The following BAIAP2 variants were observed in gnomAD, a reference collection of about 807,000 sequenced individuals.
The protein encoded by BAIAP2 is BAR/IMD domain-containing adapter protein 2.
Under a neutral mutation model 63.0 loss-of-function variants are expected in BAIAP2, and 18 were observed. That is an observed-to-expected ratio of 0.29 (90% confidence interval 0.20 to 0.42). The LOEUF (loss-of-function observed/expected upper bound fraction) is 0.42, where lower values mean the gene tolerates loss of function less well. Ranked by LOEUF, BAIAP2 falls within the 10% of genes least tolerant of loss-of-function variation. The pLI, the probability that BAIAP2 is intolerant of heterozygous loss-of-function variation, is 1.00. For missense variants in BAIAP2, 610 were observed against 734.3 expected (o/e 0.83, Z 1.96); for synonymous variants, 386 against 307.6 (o/e 1.25, Z -2.67).
chr17:81,070,592 G>A (rs7503569), intron 3 of BAIAP2, among the ~76,000 whole-genome samples: 17,125 of 152,252 alleles, frequency 0.11, 1,460 homozygotes, highest in African/African-American at 0.24. Context: ...AGGCCCTGGC[G>A]TGCCTGTCCC....
intron 13 of BAIAP2, chr17:81,109,599 A>AG: frequency 1.0e-6 from 1 of 985,244 alleles, no homozygotes; most frequent in Non-Finnish European, 1.2e-6. Context: ...GCCAAGCTCG[A>AG]GGGGCCTCCT....
chr17:81,068,777 G>C (rs549768722), intron 3 of BAIAP2, among the ~76,000 whole-genome samples: 154 of 152,322 alleles, frequency 1.0e-3, no homozygotes, highest in African/African-American at 3.4e-3. Flanking sequence ...TCCCAGGGAG[G>C]TGTCTTTCTC....
rs565276999 is a variant in BAIAP2, at chr17:81,077,289, G to A, written c.218-7543G>A. Among the ~76,000 whole-genome samples, 41 of 152,228 alleles carry A rather than the reference G, an allele frequency of 2.7e-4. No homozygotes were observed. The South Asian group carries it at 6.4e-3, about 24-fold the overall frequency. ...CGGCCACAGTCCCAATTTCTTAGCC[G>A]GGCATGGCAGCTCACGCCTGTAATC... On this transcript the variant is annotated intron_variant, in intron 3 of 13. Coordinates refer to ENST00000428708, the MANE Select transcript of BAIAP2 (RefSeq NM_001144888.2).
chr17:81,099,142 A>ATCTTGCTGTCCCCGTGGACGCTGG (rs59298150), intron 6 of BAIAP2, among the ~76,000 whole-genome samples: 87,372 of 150,232 alleles, frequency 0.58, 25,603 homozygotes, highest in Admixed American at 0.65. Flanking sequence ...TGTGGATCTG[A>ATCTTGCTGTCCCCGTGGACGCTGG]TCTTGCTGTC....
chr17:81,053,359 G>A (rs548741399), intron 1 of BAIAP2: 21 of 328,308 alleles, frequency 6.4e-5, no homozygotes, highest in South Asian at 3.8e-4. Context: ...GCGTCTGAGC[G>A]CCAGTTGTAT....
At position 81,087,301 on chromosome 17, in the gene BAIAP2, C is replaced by G. The variant is rs57540749; in HGVS notation, c.489+721C>G. Among the ~76,000 whole-genome samples, 295 of 152,330 alleles carry G rather than the reference C, an allele frequency of 1.9e-3. 1 individual carries two copies. The highest frequency in any genetic ancestry group is 6.7e-3 in the African/African-American group (278 of 41,576). On this transcript the variant is annotated intron_variant, in intron 6 of 13. Transcript: ENST00000428708. ...GGGCAAGGTGTGGCTGTGGGTGAAGCCCGGGCCTCCAGGCCGCACCCTTCC... is the reference window on the plus strand; with the variant it reads ...GGGCAAGGTGTGGCTGTGGGTGAAGGCCGGGCCTCCAGGCCGCACCCTTCC...
Position 81,105,594 on chromosome 17 carries a change from G to T in BAIAP2, c.1269-484G>T, listed in dbSNP as rs72854148. On this transcript the variant is annotated intron_variant, in intron 10 of 13. Transcript: ENST00000428708. ...ACCTGGGGGCTGCATTCCCAGGGCTGTGTTTGTGCGGGTGTGTCTCTTGGC... is the reference window on the plus strand; with the variant it reads ...ACCTGGGGGCTGCATTCCCAGGGCTTTGTTTGTGCGGGTGTGTCTCTTGGC... 9.9e-3 allele frequency: 1,582 copies of T among 159,932 alleles called. 16 individuals are homozygous for T. Among genetic ancestry groups the T allele is most frequent in the Non-Finnish European group, 0.015 (1,087 of 72,822 alleles). The allele number at this position is 159,932 out of a possible 1,614,324, so 9.9% of individuals were successfully genotyped here.
intron 6 of BAIAP2, among the ~76,000 whole-genome samples, chr17:81,091,808 C>T (rs2056822584): frequency 6.6e-6 from 1 of 152,248 alleles, no homozygotes; most frequent in African/African-American, 2.4e-5. Flanking sequence ...CCAAGCTGCC[C>T]CTGCCACAGA....
Position 81,100,056 on chromosome 17 carries a change from G to C in BAIAP2, c.618G>C (p.Lys206Asn), listed in dbSNP as rs1403009948. ...TGGAGAAGCAGTGCGCCGTGGCCAA[G>C]AACTCCGCGGCCTACCACTCCAAGG... is the stretch of plus-strand genomic sequence containing the variant. ...FLVEKQCAVAKNSAAYHSKGK... is the reference protein window; with the variant it reads ...FLVEKQCAVANNSAAYHSKGK... The change falls in exon 7 of 14, where the codon AAG (lysine) becomes AAC (asparagine). Residue 206 changes from lysine (K) to asparagine (N), a missense_variant. Lys to Asn is a moderately conservative substitution (Grantham distance 94). This residue lies in a region of BAIAP2 where 389 missense variants were observed against 455.6 expected (regional missense o/e 0.85). Transcript: ENST00000428708. The C allele has an allele frequency of 6.2e-7, 1 of 1,611,638 alleles. No individual in the cohort carries two copies. Among genetic ancestry groups the C allele is most frequent in the Non-Finnish European group, 8.5e-7 (1 of 1,179,676 alleles).
intron 13 of BAIAP2, among the ~76,000 whole-genome samples, chr17:81,114,136 ATTTT>A (rs58461450): frequency 5.6e-5 from 7 of 124,662 alleles, no homozygotes; most frequent in South Asian, 2.6e-4. Context: ...CACCTGCCTA[ATTTT>A]TTTTTTTTTT....
At chr17:81,101,556 A>C (rs1568172162) in intron 7 of BAIAP2, among the ~76,000 whole-genome samples, 1 of 152,162 alleles carries the variant, frequency 6.6e-6, no homozygotes, top group East Asian at 1.9e-4. Context: ...TCTAAAATAA[A>C]GGGTTGCAGG....
At chr17:81,056,130 A>G (rs1236754449) in intron 2 of BAIAP2, among the ~76,000 whole-genome samples, 1 of 152,148 alleles carries the variant, frequency 6.6e-6, no homozygotes. Flanking sequence ...AGGCTCCCGA[A>G]TCAGAGTAGG....
intron 3 of BAIAP2, among the ~76,000 whole-genome samples, chr17:81,080,954 A>G (rs897713629): frequency 6.6e-6 from 1 of 152,184 alleles, no homozygotes; most frequent in Non-Finnish European, 1.5e-5. Context: ...CCCCCACGCC[A>G]GGATAGGGGG....
At chr17:81,097,485 G>A (rs752497830) in intron 6 of BAIAP2, 3 of 152,010 alleles carry the variant, frequency 2.0e-5, no homozygotes, top group Non-Finnish European at 2.9e-5. Flanking sequence ...CCGCCCACCC[G>A]GCCCGGCACT....
At chr17:81,093,586 G>C (rs921571929) in intron 6 of BAIAP2, among the ~76,000 whole-genome samples, 1 of 152,090 alleles carries the variant, frequency 6.6e-6, no homozygotes, top group Non-Finnish European at 1.5e-5. Flanking sequence ...GCACCGGCAG[G>C]ATCATCGTGG....
chr17:81,067,318 G>A (rs1408305036), intron 3 of BAIAP2, among the ~76,000 whole-genome samples: 1 of 152,252 alleles, frequency 6.6e-6, no homozygotes, highest in Non-Finnish European at 1.5e-5. Context: ...CCCACCGCCT[G>A]TTCGCAGAGG....
chr17:81,072,441 T>C (rs1447519251), intron 3 of BAIAP2, among the ~76,000 whole-genome samples: 1 of 152,204 alleles, frequency 6.6e-6, no homozygotes, highest in Non-Finnish European at 1.5e-5. Context: ...TCCTGCCCTG[T>C]TTGACGCCCA....
chr17:81,108,413 G>A, intron 12 of BAIAP2, 62 bp from the exon 13 acceptor site: 3 of 1,578,726 alleles, frequency 1.9e-6, no homozygotes, highest in Non-Finnish European at 2.6e-6. Context: ...TGTACAGGCA[G>A]CGGGTGGGGG....
chr17:81,110,168 T>C, intron 13 of BAIAP2: 1 of 985,602 alleles, frequency 1.0e-6, no homozygotes, highest in South Asian at 4.7e-5. Context: ...TCTGATGTGG[T>C]TTAGTAAAAG....
Sources: allele counts gnomAD v4.1 joint callset (sites outside exome capture counted in the v4.1 genomes callset), GRCh38; gene constraint gnomAD v4.1.1; regional missense constraint gnomAD v4.1.1; transcripts MANE v1.5; gene names NCBI Gene and HGNC (gene_info 2026-07-23, HGNC 2026-07-21).